The following MYO1B variants were observed in gnomAD, a reference collection of about 807,000 sequenced individuals.
The protein encoded by MYO1B is myosin IB.
MYO1B carries 72 observed loss-of-function variants against 159.7 expected under a neutral mutation model. The observed-to-expected ratio is 0.45, with a 90% CI of 0.37 to 0.55. The LOEUF is 0.55. Among genes scored for constraint, MYO1B ranks in the 20% least tolerant of loss-of-function variants. The pLI, the probability that MYO1B is intolerant of heterozygous loss-of-function variation, is 0.00. For synonymous variants in MYO1B, 468 were observed against 473.8 expected, an observed-to-expected ratio of 0.99 and a Z score of 0.16; for missense variants, 1,062 against 1,364.8, an observed-to-expected ratio of 0.78 and a Z score of 3.50.
At chr2:191,400,204 T>A (rs1696521183) in intron 21 of MYO1B, among the ~76,000 whole-genome samples, 178 bp from the exon 22 acceptor site, 1 of 152,160 alleles carries the variant, frequency 6.6e-6, no homozygotes, top group Admixed American at 6.5e-5. Flanking sequence ...TAATGATGTC[T>A]TCATTGTCCA....
intron 30 of MYO1B, among the ~76,000 whole-genome samples, chr2:191,417,522 A>G (rs1350807550): frequency 2.0e-5 from 3 of 152,172 alleles, no homozygotes; most frequent in East Asian, 1.9e-4. Context: ...GGAAGATCGT[A>G]TGTATCCCAG....
At chr2:191,337,707 A>G (rs1464143916) in intron 4 of MYO1B, among the ~76,000 whole-genome samples, 6 of 152,164 alleles carry the variant, frequency 3.9e-5, no homozygotes, top group Non-Finnish European at 7.4e-5. Flanking sequence ...AAAGTGATGA[A>G]CCAAGAATTG....
chr2:191,367,315 A>G (rs1344149761), intron 11 of MYO1B, among the ~76,000 whole-genome samples: 1 of 152,148 alleles, frequency 6.6e-6, no homozygotes, highest in African/African-American at 2.4e-5. Flanking sequence ...GGCAGCTCCT[A>G]GGGCCAGGTA....
intron 21 of MYO1B, among the ~76,000 whole-genome samples, chr2:191,399,361 C>G (rs1016290878): frequency 2.0e-5 from 3 of 152,128 alleles, no homozygotes; most frequent in Admixed American, 1.3e-4. Flanking sequence ...ATAGAGATTT[C>G]AGTGTACATA....
At position 191,268,840 on chromosome 2, in the gene MYO1B, T is replaced by A. The variant is rs868445720; in HGVS notation, c.-9-8047T>A. ...TGGAAGCTTTGTTTGGGCTGGTGTA[T>A]ACCCACCACTCAGTTAGCTGTGGTC... is the stretch of plus-strand genomic sequence containing the variant. On this transcript the variant is annotated intron_variant, in intron 1 of 30. Transcript: ENST00000392318. Among the ~76,000 whole-genome samples the A allele has an allele frequency of 8.5e-5, 13 of 152,286 alleles. No individual in the cohort carries two copies. In the Middle Eastern group the frequency reaches 0.017, roughly 199 times the overall value.
At chr2:191,383,448 T>TTATATATATA (rs1209689273) in intron 15 of MYO1B, 106 bp downstream of exon 15, 1 of 127,348 alleles carries the variant, frequency 7.9e-6, no homozygotes, top group Non-Finnish European at 1.5e-5. Context: ...TCACTGTTTT[T>TTATATATATA]TATATATATA....
At chr2:191,246,556 C>T (rs901792611) in intron 1 of MYO1B, among the ~76,000 whole-genome samples, 11 of 149,614 alleles carry the variant, frequency 7.4e-5, no homozygotes, top group African/African-American at 2.6e-4. Context: ...AGAAGCCCCC[C>T]CCCCTTTTTT....
Position 191,335,860 on chromosome 2 carries a change from G to A in MYO1B, c.347-5601G>A, listed in dbSNP as rs573515849. On this transcript the variant is annotated intron_variant, in intron 4 of 30. Coordinates refer to ENST00000392318, the MANE Select transcript of MYO1B (RefSeq NM_001130158.3). ...AACATTGGAGACACTCTTAAGCTGCGGAGTTATGTAACATGGGCACTTAGG... is the reference window on the plus strand; with the variant it reads ...AACATTGGAGACACTCTTAAGCTGCAGAGTTATGTAACATGGGCACTTAGG... Among the ~76,000 whole-genome samples the A allele has an allele frequency of 1.4e-4, 21 of 152,242 alleles. No individual in the cohort carries two copies. The South Asian group carries it at 3.3e-3, about 24-fold the overall frequency.
In MYO1B at chr2:191,370,157, A is replaced by G. The variant is rs144991146; in HGVS notation, c.1120-70A>G. ...CATAATTAATTTGTAATATATATCT[A>G]TGTTCCTTGGATGCTTGTAGTGTTA... On this transcript the variant is annotated intron_variant, in intron 12 of 30. Coordinates refer to ENST00000392318, the MANE Select transcript of MYO1B (RefSeq NM_001130158.3). The G allele has an allele frequency of 1.5e-4, 141 of 953,890 alleles. 2 individuals are homozygous for G. In the East Asian group the frequency reaches 2.1e-3, roughly 14 times the overall value. 59.1% of individuals were successfully genotyped at this position (953,890 alleles called of 1,614,324 possible). A position where few individuals can be genotyped will look rare whatever the true frequency, so the allele number is the denominator to read the frequency against.
chr2:191,307,647 G>C (rs1689730811), intron 3 of MYO1B, among the ~76,000 whole-genome samples: 1 of 152,128 alleles, frequency 6.6e-6, no homozygotes, highest in Non-Finnish European at 1.5e-5. Context: ...ACAGGTCAAA[G>C]GCTTAGTCCT....
intron 2 of MYO1B, 151 bp downstream of exon 2, chr2:191,277,181 C>G (rs993875208): frequency 2.1e-5 from 19 of 924,388 alleles, no homozygotes; most frequent in Non-Finnish European, 1.9e-5. Flanking sequence ...TGAGTTTTTA[C>G]TGATTTAGCC....
intron 27 of MYO1B, among the ~76,000 whole-genome samples, chr2:191,412,397 A>G (rs1456835747): frequency 2.0e-5 from 3 of 152,230 alleles, no homozygotes; most frequent in African/African-American, 7.2e-5. Flanking sequence ...TAGCATTTTT[A>G]TAATTTAAAA....
intron 5 of MYO1B, among the ~76,000 whole-genome samples, chr2:191,344,328 C>A (rs1173649702): frequency 6.6e-6 from 1 of 152,196 alleles, no homozygotes; most frequent in African/African-American, 2.4e-5. Flanking sequence ...GGGAACCTCT[C>A]CAGCAAGCAT....
In MYO1B at chr2:191,375,673, T is replaced by C. The variant is rs1293504834; in HGVS notation, c.1185+5381T>C. ...CAGACCATCTTTTCAGTTATAAGAA[T>C]GTCCAAACTTGGCACGGTGGCTCAC... On this transcript the variant is annotated intron_variant, in intron 13 of 30. Coordinates refer to ENST00000392318, the MANE Select transcript of MYO1B (RefSeq NM_001130158.3). 2.0e-5 allele frequency among the ~76,000 whole-genome samples: 3 copies of C among 152,118 alleles called. No individual in the cohort carries two copies. The East Asian group carries it at 5.8e-4, about 29-fold the overall frequency.
chr2:191,297,936 C>T (rs187974583), intron 3 of MYO1B, among the ~76,000 whole-genome samples: 4 of 152,168 alleles, frequency 2.6e-5, no homozygotes, highest in South Asian at 2.1e-4. Context: ...GTCTGTTAGC[C>T]GTGTCCATAG....
Position 191,392,184 on chromosome 2 carries a change from A to G in MYO1B, c.2059A>G (p.Ile687Val). Reference protein sequence around the residue: ...EYSFGRSKIFIRNPRTLFKLE... With the variant: ...EYSFGRSKIFVRNPRTLFKLE... ...CTCCTTTGGTAGATCAAAGATATTC[A>G]TCCGAAACCCAAGAACAGTATGTAA... Residue 687 changes from isoleucine (I) to valine (V), a missense_variant, in exon 19 of 31, where the codon ATC becomes GTC. Physicochemically the swap from Ile to Val is conservative, Grantham distance 29. Around this residue, in one of 5 missense-constraint regions of MYO1B, gnomAD observed 609 missense variants for 744.4 expected, o/e 0.82. Transcript: ENST00000392318. 6.2e-7 allele frequency: 1 copy of G among 1,606,762 alleles called. No homozygotes were observed. The highest frequency in any genetic ancestry group is 8.5e-7 in the Non-Finnish European group (1 of 1,174,652).
At chr2:191,251,262 C>G (rs547754469) in intron 1 of MYO1B, among the ~76,000 whole-genome samples, 36 of 152,322 alleles carry the variant, frequency 2.4e-4, no homozygotes, top group Non-Finnish European at 4.0e-4. Flanking sequence ...AGTCTGCCTG[C>G]GAGCAGCATG....
At chr2:191,278,250 C>T (rs963957313) in intron 2 of MYO1B, among the ~76,000 whole-genome samples, 1 of 152,194 alleles carries the variant, frequency 6.6e-6, no homozygotes. Flanking sequence ...CAGATGGCGC[C>T]TTCTAACTGT....
At chr2:191,351,541 T>C (rs1215364589) in intron 7 of MYO1B, among the ~76,000 whole-genome samples, 1 of 152,228 alleles carries the variant, frequency 6.6e-6, no homozygotes, top group African/African-American at 2.4e-5. Flanking sequence ...TAGGATTGAA[T>C]TGGATGAATT....
Sources: allele counts gnomAD v4.1 joint callset (sites outside exome capture counted in the v4.1 genomes callset), GRCh38; gene constraint gnomAD v4.1.1; regional missense constraint gnomAD v4.1.1; transcripts MANE v1.5; gene names NCBI Gene and HGNC (gene_info 2026-07-23, HGNC 2026-07-21).